UBE2W: variants seen among roughly 807,000 people sequenced by gnomAD.
UBE2W encodes the protein ubiquitin conjugating enzyme E2 W, also known as ubiquitin-conjugating enzyme E2 W.
UBE2W carries 18 observed loss-of-function variants against 27.2 expected under a neutral mutation model. The ratio of observed to expected loss-of-function variants is 0.66; its 90% CI spans 0.46 to 0.98. The LOEUF is 0.98. Ranked by LOEUF, UBE2W falls within the 50% of genes least tolerant of loss-of-function variation. The probability of loss-of-function intolerance (pLI) is 0.00; values close to 1 mark genes in which losing one functional copy is unlikely to be tolerated. For missense variants in UBE2W, 90 were observed against 180.2 expected (o/e 0.50, Z 2.87); for synonymous variants, 53 against 57.2 (o/e 0.93, Z 0.33).
chr8:73,843,412 T>G (rs1586509592), intron 1 of UBE2W, among the ~76,000 whole-genome samples: 1 of 152,084 alleles, frequency 6.6e-6, no homozygotes, highest in Non-Finnish European at 1.5e-5. Context: ...GCAGGAAGAT[T>G]ACTTGCAGCC....
chr8:73,849,624 A>T (rs1371171421), intron 1 of UBE2W, among the ~76,000 whole-genome samples: 1 of 151,824 alleles, frequency 6.6e-6, no homozygotes, highest in Non-Finnish European at 1.5e-5. Context: ...ATAAGGAAAG[A>T]CACAGACATA....
chr8:73,840,890 G>A (rs1043913630), intron 1 of UBE2W, among the ~76,000 whole-genome samples: 1 of 152,166 alleles, frequency 6.6e-6, no homozygotes, highest in African/African-American at 2.4e-5. Flanking sequence ...TTAAGGGGAT[G>A]GGGGAGGTAT....
intron 1 of UBE2W, among the ~76,000 whole-genome samples, chr8:73,858,817 G>C (rs1010854986): frequency 6.6e-6 from 1 of 151,474 alleles, no homozygotes; most frequent in African/African-American, 2.4e-5. Context: ...TTTTCATCAC[G>C]AACTTGCAAG....
At chr8:73,876,362 C>T (rs1812221596) in intron 1 of UBE2W, among the ~76,000 whole-genome samples, 1 of 151,966 alleles carries the variant, frequency 6.6e-6, no homozygotes, top group Non-Finnish European at 1.5e-5. Flanking sequence ...ACAGAATAAC[C>T]ACACAGAAAG....
At chr8:73,830,606 C>T in intron 1 of UBE2W, 134 bp from the exon 2 acceptor site, 2 of 646,102 alleles carry the variant, frequency 3.1e-6, no homozygotes, top group Middle Eastern at 4.4e-4. Flanking sequence ...CCACCTCAGC[C>T]TCCCAAGTAG....
intron 1 of UBE2W, among the ~76,000 whole-genome samples, chr8:73,845,983 T>A (rs568810454): frequency 9.9e-5 from 15 of 152,280 alleles, no homozygotes; most frequent in African/African-American, 3.6e-4. Flanking sequence ...CTGAATTCCT[T>A]CTGGAAAATG....
chr8:73,858,976 T>TTGTGTGTGTGTGTG (rs1811423877), intron 1 of UBE2W, among the ~76,000 whole-genome samples: 1 of 87,286 alleles, frequency 1.1e-5, no homozygotes, highest in African/African-American at 4.1e-5. Context: ...CAGGGGGTTT[T>TTGTGTGTGTGTGTG]TGCGTGTGTG....
At chr8:73,877,540 A>T (rs1373473780) in intron 1 of UBE2W, among the ~76,000 whole-genome samples, 2 of 152,238 alleles carry the variant, frequency 1.3e-5, no homozygotes, top group Non-Finnish European at 2.9e-5. Context: ...AAGAGGAAGA[A>T]GATGCAGAAA....
chr8:73,866,290 A>AATATATATATATAT (rs71269958), intron 1 of UBE2W, among the ~76,000 whole-genome samples: 37 of 43,080 alleles, frequency 8.6e-4, no homozygotes, highest in South Asian at 2.3e-3. Flanking sequence ...AAAAAAAAAA[A>AATATATATATATAT]ATATATATAT....
At position 73,846,159 on chromosome 8, in the gene UBE2W, G is replaced by A. The variant is rs561164268; in HGVS notation, c.16-15687C>T. ...TCCCAGCACTTTGGGAGGCTGAGGCGGGTAGATCACCTGAGGTCAGGAGTT... is the reference window on the plus strand; with the variant it reads ...TCCCAGCACTTTGGGAGGCTGAGGCAGGTAGATCACCTGAGGTCAGGAGTT... On this transcript the variant is annotated intron_variant, in intron 1 of 5. Coordinates refer to ENST00000602593, the MANE Select transcript of UBE2W (RefSeq NM_018299.6). Among the ~76,000 whole-genome samples the A allele has an allele frequency of 4.4e-3, 662 of 152,156 alleles. 5 individuals carry two copies. The highest frequency in any genetic ancestry group is 0.01 in the Middle Eastern group (3 of 294).
In UBE2W at chr8:73,866,278, AAAAAAAAAAAAAATATAT is replaced by A. The variant is rs1490014370; in HGVS notation, c.15+12512_15+12529del. Among the ~76,000 whole-genome samples the A allele has an allele frequency of 2.6e-4, 25 of 94,754 alleles. No homozygotes were observed. The South Asian group carries it at 8.1e-3, about 31-fold the overall frequency. The allele number at this position is 94,754 out of a possible 152,430, so 62.2% of individuals were successfully genotyped here. On this transcript the variant is annotated intron_variant, in intron 1 of 5. Coordinates refer to ENST00000602593, the MANE Select transcript of UBE2W (RefSeq NM_018299.6). The stretch of plus-strand genomic sequence containing the variant: ...AAGCAAGACTTGGTCTAAAAAAAAA[AAAAAAAAAAAAAATATAT>A]ATATATATATATATATATATATACT...
At chr8:73,872,557 G>A (rs1383250685) in intron 1 of UBE2W, among the ~76,000 whole-genome samples, 1 of 152,130 alleles carries the variant, frequency 6.6e-6, no homozygotes, top group Non-Finnish European at 1.5e-5. Context: ...TGGTAAGTAT[G>A]TACTTATTTG....
intron 1 of UBE2W, among the ~76,000 whole-genome samples, chr8:73,863,739 CAG>C (rs1811625913): frequency 6.6e-6 from 1 of 151,826 alleles, no homozygotes; most frequent in Admixed American, 6.6e-5. Flanking sequence ...GCCTGGGTGA[CAG>C]AGACATCATC....
At chr8:73,830,331 A>G (rs771105508) in intron 2 of UBE2W, 50 bp downstream of exon 2, 1 of 1,339,424 alleles carries the variant, frequency 7.5e-7, no homozygotes, top group Non-Finnish European at 1.1e-6. Context: ...GTGAACATTC[A>G]TACATTATTG....
intron 3 of UBE2W, among the ~76,000 whole-genome samples, chr8:73,814,058 G>A (rs1809287257): frequency 6.6e-6 from 1 of 152,094 alleles, no homozygotes; most frequent in South Asian, 2.1e-4. Context: ...TGTAAACTTT[G>A]CTAATCTGGT....
At chr8:73,782,525 TG>T, downstream of UBE2W, among the ~76,000 whole-genome samples, 2 of 152,282 alleles carry the variant, frequency 1.3e-5, no homozygotes, top group Middle Eastern at 3.4e-3. Context: ...CTTTTTGGCC[TG>T]GCTATATTCA....
chr8:73,839,014 C>G lies in UBE2W; in HGVS notation c.16-8542G>C, dbSNP rs150478593. Among the ~76,000 whole-genome samples the G allele has an allele frequency of 2.0e-3, 299 of 152,254 alleles. 2 individuals are homozygous for G. Among genetic ancestry groups the G allele is most frequent in the African/African-American group, 6.6e-3 (274 of 41,554 alleles). Reference sequence around the variant, plus strand: ...TGGGGCCCTTGAGCGGCTGCTCTGGCCACTCCAACCCTGTGGAGTGTACTT... The same window carrying G: ...TGGGGCCCTTGAGCGGCTGCTCTGGGCACTCCAACCCTGTGGAGTGTACTT... On this transcript the variant is annotated intron_variant, in intron 1 of 5. Transcript: ENST00000602593.
chr8:73,858,849 C>T (rs775244080), intron 1 of UBE2W, among the ~76,000 whole-genome samples: 18 of 150,906 alleles, frequency 1.2e-4, no homozygotes, highest in Non-Finnish European at 1.6e-4. Flanking sequence ...CTGAACCAAC[C>T]TTCTCTATCA....
intron 1 of UBE2W, among the ~76,000 whole-genome samples, chr8:73,832,802 T>C (rs757742871): frequency 1.3e-5 from 2 of 152,268 alleles, no homozygotes; most frequent in Admixed American, 6.5e-5. Flanking sequence ...ACATTTCAGA[T>C]TGGGGATGCT....
Sources: allele counts gnomAD v4.1 joint callset (sites outside exome capture counted in the v4.1 genomes callset), GRCh38; gene constraint gnomAD v4.1.1; transcripts MANE v1.5; gene names NCBI Gene and HGNC (gene_info 2026-07-23, HGNC 2026-07-21).